The following SCG5 variants were observed in gnomAD, a reference collection of about 807,000 sequenced individuals.
The protein encoded by SCG5 is secretogranin V.
In SCG5, 18 loss-of-function variants were observed where a neutral mutation model predicts 25.7. The observed-to-expected ratio is 0.70, with a 90% confidence interval of 0.48 to 1.04. SCG5 has a LOEUF of 1.04. Ranked by LOEUF, SCG5 falls within the 50% of genes least tolerant of loss-of-function variation. The probability of loss-of-function intolerance (pLI) is 0.00; values close to 1 mark genes in which losing one functional copy is unlikely to be tolerated. For synonymous variants in SCG5, 101 were observed against 91.7 expected (o/e 1.10, Z -0.58); for missense variants, 206 against 259.8 (o/e 0.79, Z 1.42).
chr15:32,695,097 G>A (rs2054931785), intron 5 of SCG5, among the ~76,000 whole-genome samples: 1 of 151,308 alleles, frequency 6.6e-6, no homozygotes, highest in African/African-American at 2.4e-5. Flanking sequence ...CTCACTGCAA[G>A]CTCCGCCTCC....
chr15:32,691,912 A>G, intron 5 of SCG5, 149 bp downstream of exon 5: 1 of 1,478,820 alleles, frequency 6.8e-7, no homozygotes, highest in African/African-American at 1.4e-5. Context: ...CAAGGGCCAC[A>G]CCCAGAAAGT....
intron 2 of SCG5, among the ~76,000 whole-genome samples, chr15:32,665,036 G>A (rs144876279): frequency 1.3e-5 from 2 of 152,310 alleles, no homozygotes; most frequent in African/African-American, 4.8e-5. Context: ...AAATGCAGAT[G>A]TTGAGATGAG....
intron 2 of SCG5, among the ~76,000 whole-genome samples, chr15:32,664,834 A>G (rs1392795637): frequency 6.6e-6 from 1 of 152,266 alleles, no homozygotes; most frequent in Admixed American, 6.5e-5. Context: ...TAAGGAATAC[A>G]GAAGGGAACC....
At chr15:32,664,680 C>T (rs909293694) in intron 2 of SCG5, among the ~76,000 whole-genome samples, 1 of 152,198 alleles carries the variant, frequency 6.6e-6, no homozygotes, top group African/African-American at 2.4e-5. Flanking sequence ...CCTCCAGGAG[C>T]AGTAATAAAG....
chr15:32,678,726 A>T (rs2054568152), intron 2 of SCG5, among the ~76,000 whole-genome samples: 1 of 152,194 alleles, frequency 6.6e-6, no homozygotes, highest in African/African-American at 2.4e-5. Context: ...AAAATATGGA[A>T]AACATTAAAT....
intron 2 of SCG5, among the ~76,000 whole-genome samples, chr15:32,659,814 C>T (rs1201194860): frequency 6.6e-6 from 1 of 152,054 alleles, no homozygotes; most frequent in Non-Finnish European, 1.5e-5. Context: ...CTGTGAGCTA[C>T]CTAAGACGCC....
chr15:32,671,388 T>G (rs1264519805), intron 2 of SCG5, among the ~76,000 whole-genome samples: 2 of 152,192 alleles, frequency 1.3e-5, no homozygotes. Context: ...CTTCAGTTAC[T>G]TGGGATGGAG....
chr15:32,694,968 C>T (rs116416837), intron 5 of SCG5, among the ~76,000 whole-genome samples: 120 of 152,182 alleles, frequency 7.9e-4, no homozygotes, highest in African/African-American at 2.6e-3. Flanking sequence ...ATTGAGCATG[C>T]AACAGGGATT....
intron 2 of SCG5, among the ~76,000 whole-genome samples, chr15:32,669,715 A>G (rs62001853): frequency 0.067 from 10,127 of 152,096 alleles, 468 homozygotes; most frequent in Middle Eastern, 0.17. Context: ...CTCTCCTAAA[A>G]ATGCTTCACT....
chr15:32,647,539 C>A (rs112792040), intron 2 of SCG5, among the ~76,000 whole-genome samples: 132 of 152,228 alleles, frequency 8.7e-4, no homozygotes, highest in African/African-American at 3.1e-3. Flanking sequence ...TTCCATATCC[C>A]TTCTAGTTAC....
At chr15:32,696,368 C>T (rs769361869) in intron 5 of SCG5, 146 bp from the exon 6 acceptor site, 20 of 558,076 alleles carry the variant, frequency 3.6e-5, no homozygotes, top group African/African-American at 7.6e-5. Flanking sequence ...CTGCCCACCT[C>T]GGCCTCCCAA....
chr15:32,693,806 A>G (rs1392640683), intron 5 of SCG5, among the ~76,000 whole-genome samples: 1 of 152,154 alleles, frequency 6.6e-6, no homozygotes, highest in African/African-American at 2.4e-5. Context: ...AGTTTTTCAG[A>G]GCACAATTAA....
intron 2 of SCG5, among the ~76,000 whole-genome samples, chr15:32,660,885 G>A (rs1234212686): frequency 6.6e-6 from 1 of 152,178 alleles, no homozygotes; most frequent in Non-Finnish European, 1.5e-5. Context: ...GCACAGCAAA[G>A]CTTACCTGAC....
intron 2 of SCG5, among the ~76,000 whole-genome samples, chr15:32,664,954 G>A (rs1360086668): frequency 6.6e-6 from 1 of 152,196 alleles, no homozygotes; most frequent in African/African-American, 2.4e-5. Context: ...TGGGAGCCCA[G>A]CCTCTAGGAG....
chr15:32,670,674 A>G (rs1255797027), intron 2 of SCG5, among the ~76,000 whole-genome samples: 2 of 152,248 alleles, frequency 1.3e-5, no homozygotes, highest in Non-Finnish European at 2.9e-5. Flanking sequence ...CTCTTCCACC[A>G]GGCACAAACA....
intron 2 of SCG5, chr15:32,665,626 A>T (rs1223859877): frequency 6.6e-6 from 1 of 152,218 alleles, no homozygotes; most frequent in Non-Finnish European, 1.5e-5. Flanking sequence ...AGGAGAAATG[A>T]CTGGGCCTCC....
intron 2 of SCG5, among the ~76,000 whole-genome samples, chr15:32,645,736 C>A (rs2053932612): frequency 6.6e-6 from 1 of 152,180 alleles, no homozygotes; most frequent in African/African-American, 2.4e-5. Context: ...GGCATGGAGA[C>A]ATGAAAGATC....
At chr15:32,684,455 A>G (rs2140582234) in intron 3 of SCG5, 102 bp from the exon 4 acceptor site, 1 of 715,350 alleles carries the variant, frequency 1.4e-6, no homozygotes, top group Middle Eastern at 2.4e-4. Flanking sequence ...ACTGATGTGA[A>G]CAGATTCTGA....
At position 32,649,696 on chromosome 15, in the gene SCG5, G is replaced by A. The variant is rs543921277; in HGVS notation, c.226+5878G>A. On this transcript the variant is annotated intron_variant, in intron 2 of 5. Transcript: ENST00000300175. The stretch of plus-strand genomic sequence containing the variant: ...CTTCTCCGTGGGCGCCTTAAAAACA[G>A]CTTGGTAAGGAGCATCTTTCAAATG... 6.6e-5 allele frequency among the ~76,000 whole-genome samples: 10 copies of A among 151,950 alleles called. No individual in the cohort carries two copies. In the South Asian group the frequency reaches 2.1e-3, roughly 32 times the overall value.
Sources: gnomAD v4.1 joint callset for allele counts (sites outside exome capture counted in the v4.1 genomes callset) on GRCh38, gnomAD v4.1.1 for gene constraint, MANE v1.5 for transcripts, NCBI Gene and HGNC (gene_info 2026-07-23, HGNC 2026-07-21) for gene names.